ARMCX1: variants seen among roughly 807,000 people sequenced by gnomAD.
The protein encoded by ARMCX1 is armadillo repeat-containing X-linked protein 1.
Under a neutral mutation model 15.4 loss-of-function variants are expected in ARMCX1, and 4 were observed. That is an observed-to-expected ratio of 0.26 (90% CI 0.13 to 0.59). The LOEUF (loss-of-function observed/expected upper bound fraction) is 0.59, where lower values mean the gene tolerates loss of function less well. Ranked by LOEUF, ARMCX1 falls within the 20% of genes least tolerant of loss-of-function variation. The pLI is 0.89. For missense variants in ARMCX1, 273 were observed against 337.1 expected (o/e 0.81, Z 1.49); for synonymous variants, 144 against 130.5 (o/e 1.10, Z -0.71).
In ARMCX1 at chrX:101,553,234, G is replaced by C. The variant is rs1374688607; in HGVS notation, c.304G>C (p.Gly102Arg). The change falls in exon 4 of 4, where the codon GGT becomes CGT. Residue 102 changes from glycine (G) to arginine (R), a missense_variant. By Grantham distance (125) the Gly-to-Arg change is moderately radical. This residue lies in a region of ARMCX1 where 147 missense variants were observed against 143.5 expected (regional missense o/e 1.02). Coordinates refer to ENST00000372829, the MANE Select transcript of ARMCX1 (RefSeq NM_016608.2). Reference protein sequence around the residue: ...EKAHSGSHSGGGLEAKAKALF... With the variant: ...EKAHSGSHSGRGLEAKAKALF... ...GGCCCATTCAGGATCCCACAGCGGAGGTGGCCTAGAGGCCAAGGCCAAGGC... is the reference window on the plus strand; with the variant it reads ...GGCCCATTCAGGATCCCACAGCGGACGTGGCCTAGAGGCCAAGGCCAAGGC... 1 of 1,210,611 alleles carries C rather than the reference G, an allele frequency of 8.3e-7. No individual in the cohort carries two copies. The highest frequency in any genetic ancestry group is 1.1e-6 in the Non-Finnish European group (1 of 895,332).
chrX:101,552,950 C>T lies in ARMCX1; in HGVS notation c.20C>T (p.Ala7Val), dbSNP rs782095232. The T allele has an allele frequency of 7.4e-6, 9 of 1,210,155 alleles. No homozygotes were observed. The highest frequency in any genetic ancestry group is 1.0e-5 in the Non-Finnish European group (9 of 894,722). Residue 7 changes from alanine (A) to valine (V), a missense_variant, in exon 4 of 4, where the codon GCT (alanine) becomes GTT (valine). By Grantham distance (64) the Ala-to-Val change is moderately conservative. This residue lies in a region of ARMCX1 where 147 missense variants were observed against 143.5 expected (regional missense o/e 1.02). Transcript: ENST00000372829. The stretch of plus-strand genomic sequence containing the variant: ...TATACCATGGGCCGCACTCGGGAAG[C>T]TGGCTGCGTGGCCGCTGGTGTGGTT... MGRTRE[A>V]GCVAAGVVIG...
Position 101,553,330 on chromosome X carries a change from G to A in ARMCX1, c.400G>A (p.Gly134Arg). The A allele has an allele frequency of 8.3e-7, 1 of 1,204,841 alleles. No individual in the cohort carries two copies. Among genetic ancestry groups the A allele is most frequent in the Non-Finnish European group, 1.1e-6 (1 of 892,544 alleles). ...GKGARVGTISGNRTLAPSLPC... is the reference protein window; with the variant it reads ...GKGARVGTISRNRTLAPSLPC... ...AGGGGCTAGGGTGGGTACCATCTCT[G>A]GGAACAGGACCCTTGCACCGAGTTT... Residue 134 changes from glycine (G) to arginine (R), a missense_variant, in exon 4 of 4, where the codon GGG (glycine) becomes AGG (arginine). Gly to Arg is a moderately radical substitution (Grantham distance 125). Transcript: ENST00000372829.
rs1206840952 is a variant in ARMCX1 at position 101,551,573 on chromosome X, T to TG, written c.-179dup. 1 of 112,721 alleles carries TG rather than the reference T, an allele frequency of 8.9e-6. No individual in the cohort carries two copies. 9.3% of individuals were successfully genotyped at this position (112,721 alleles called of 1,213,427 possible). A position where few individuals can be genotyped will look rare whatever the true frequency, so the allele number is the denominator to read the frequency against. ...CCTTGTTGCCTGTGTCTGCAGATCTTGGGGCCGGAGGCCAGTCCAACCCTT... is the reference window on the plus strand; with the variant it reads ...CCTTGTTGCCTGTGTCTGCAGATCTTGGGGGCCGGAGGCCAGTCCAACCCTT... On this transcript the variant is annotated 5_prime_UTR_variant, in exon 3 of 4. Coordinates refer to ENST00000372829, the MANE Select transcript of ARMCX1 (RefSeq NM_016608.2).
At position 101,552,945 on chromosome X, in the gene ARMCX1, G is replaced by A. The variant is rs142274849; in HGVS notation, c.15G>A (p.Arg5=). MGRT[R]EAGCVAAGVV... ...CCAGCTATACCATGGGCCGCACTCG[G>A]GAAGCTGGCTGCGTGGCCGCTGGTG... is the stretch of plus-strand genomic sequence containing the variant. Residue 5 remains arginine, a synonymous_variant, in exon 4 of 4, where the codon CGG becomes CGA. Transcript: ENST00000372829. The A allele has an allele frequency of 4.8e-3, 5,742 of 1,208,561 alleles. 6 individuals carry two copies. Among genetic ancestry groups the A allele is most frequent in the Non-Finnish European group, 5.8e-3 (5,218 of 894,491 alleles).
Position 101,553,266 on chromosome X carries a change from C to A in ARMCX1, c.336C>A (p.Phe112Leu). The change falls in exon 4 of 4, where the codon TTC (phenylalanine) becomes TTA (leucine). Residue 112 changes from phenylalanine (F) to leucine (L), a missense_variant. Coordinates refer to ENST00000372829, the MANE Select transcript of ARMCX1 (RefSeq NM_016608.2). ...GGLEAKAKAL[F>L]NTLKEQASAK... ...TAGAGGCCAAGGCCAAGGCCCTTTT[C>A]AACACGCTGAAGGAACAGGCAAGTG... is the stretch of plus-strand genomic sequence containing the variant. 8.3e-7 allele frequency: 1 copy of A among 1,211,960 alleles called. No individual in the cohort carries two copies. Among genetic ancestry groups the A allele is most frequent in the Non-Finnish European group, 1.1e-6 (1 of 895,581 alleles).
At chrX:101,551,787 G>C (rs1200702899) in intron 3 of ARMCX1, among the ~76,000 whole-genome samples, 154 bp downstream of exon 3, 1 of 109,859 alleles carries the variant, frequency 9.1e-6, no homozygotes, top group Non-Finnish European at 1.9e-5. Context: ...GCAAGTACAA[G>C]ACAGGGAAGA....
intron 3 of ARMCX1, 64 bp from the exon 4 acceptor site, chrX:101,552,745 A>G (rs1935395324): frequency 2.4e-6 from 1 of 423,682 alleles, no homozygotes; most frequent in Non-Finnish European, 3.9e-6. Context: ...TTGTTGTTTC[A>G]GTCTGTTTGC....
At position 101,552,794 on chromosome X, in the gene ARMCX1, A is replaced by G. The variant is rs938798729; in HGVS notation, c.-122-15A>G. ...AAAAGGAGCCTGAAATCTGAAATGC[A>G]TCCTTTATTCCTAGGTCGAGCTGCC... is the stretch of plus-strand genomic sequence containing the variant. On this transcript the variant is annotated splice_polypyrimidine_tract_variant and intron_variant, in intron 3 of 3. Coordinates refer to ENST00000372829, the MANE Select transcript of ARMCX1 (RefSeq NM_016608.2). 21 of 649,223 alleles carry G rather than the reference A, an allele frequency of 3.2e-5. 1 individual carries two copies. In the Admixed American group the frequency reaches 7.6e-4, roughly 24 times the overall value. 53.5% of individuals were successfully genotyped at this position (649,223 alleles called of 1,213,427 possible).
In ARMCX1 at chrX:101,554,274, A is replaced by G; in HGVS notation, c.1344A>G (p.Lys448=). The stretch of plus-strand genomic sequence containing the variant: ...TGGTGGTGAAAGTAAAAGTCCTGAA[A>G]GTATTAACCAAACTCTAATTTGGAG... ...NDLVVKVKVL[K]VLTKL The change falls in exon 4 of 4, where the codon AAA becomes AAG. Residue 448 remains lysine, a synonymous_variant. Transcript: ENST00000372829. The G allele has an allele frequency of 8.5e-7, 1 of 1,182,441 alleles. No individual in the cohort carries two copies. The highest frequency in any genetic ancestry group is 1.1e-6 in the Non-Finnish European group (1 of 884,099).
rs139699638 is a variant in ARMCX1 at position 101,554,074 on chromosome X, G to A, written c.1144G>A (p.Asp382Asn). ...GATTTCCCTCTTTAATAAAGAATGG[G>A]ATAGAGAGATTCTTCTTAATATCCT... ...ELISLFNKEW[D>N]REILLNILTL... is the part of the protein sequence containing the mutation. Residue 382 changes from aspartate (D) to asparagine (N), a missense_variant, in exon 4 of 4, where the codon GAT becomes AAT. Transcript: ENST00000372829. 3.3e-6 allele frequency: 4 copies of A among 1,207,202 alleles called. No individual in the cohort carries two copies. In the African/African-American group the frequency reaches 7.0e-5, roughly 21 times the overall value.
chrX:101,552,974 T>C lies in ARMCX1; in HGVS notation c.44T>C (p.Val15Ala). 1 of 1,211,175 alleles carries C rather than the reference T, an allele frequency of 8.3e-7. No individual in the cohort carries two copies. Among genetic ancestry groups the C allele is most frequent in the Non-Finnish European group, 1.1e-6 (1 of 895,299 alleles). ...GCTGGCTGCGTGGCCGCTGGTGTGG[T>C]TATCGGGGCTGGTGCCTGCTACTGT... ...REAGCVAAGV[V>A]IGAGACYCVY... Residue 15 changes from valine (V) to alanine (A), a missense_variant, in exon 4 of 4, where the codon GTT (valine) becomes GCT (alanine). Physicochemically the swap from Val to Ala is moderately conservative, Grantham distance 64. This residue lies in a region of ARMCX1 where 147 missense variants were observed against 143.5 expected (regional missense o/e 1.02). Coordinates refer to ENST00000372829, the MANE Select transcript of ARMCX1 (RefSeq NM_016608.2).
rs782316261 is a variant in ARMCX1, at chrX:101,551,989, G to A, written c.-123+356G>A. Among the ~76,000 whole-genome samples the A allele has an allele frequency of 8.6e-5, 7 of 81,226 alleles. No individual in the cohort carries two copies. The South Asian group carries it at 4.2e-3, about 48-fold the overall frequency. The allele number at this position is 81,226 out of a possible 115,157, so 70.5% of individuals were successfully genotyped here. A position where few individuals can be genotyped will look rare whatever the true frequency, so the allele number is the denominator to read the frequency against. On this transcript the variant is annotated intron_variant, in intron 3 of 3. Transcript: ENST00000372829. The stretch of plus-strand genomic sequence containing the variant: ...GGAGGTAAGAAATTGCTCCGGAGCA[G>A]AGGTAGTTGGTATAATGACACGGGG...
At chrX:101,552,089 C>A (rs1935387962) in intron 3 of ARMCX1, among the ~76,000 whole-genome samples, 1 of 105,830 alleles carries the variant, frequency 9.4e-6, no homozygotes, top group Non-Finnish European at 1.9e-5. Context: ...GAGTTGGAGA[C>A]CTTTAGGCAT....
chrX:101,554,260 G>C lies in ARMCX1; in HGVS notation c.1330G>C (p.Val444Leu). 8.4e-7 allele frequency: 1 copy of C among 1,193,490 alleles called. No individual in the cohort carries two copies. The highest frequency in any genetic ancestry group is 1.1e-6 in the Non-Finnish European group (1 of 889,286). ...LANHNDLVVKVKVLKVLTKL is the reference protein window; with the variant it reads ...LANHNDLVVKLKVLKVLTKL ...AAATCACAATGATCTGGTGGTGAAA[G>C]TAAAAGTCCTGAAAGTATTAACCAA... The change falls in exon 4 of 4, where the codon GTA becomes CTA. Residue 444 changes from valine (V) to leucine (L), a missense_variant. Physicochemically the swap from Val to Leu is conservative, Grantham distance 32 (BLOSUM62 1). Coordinates refer to ENST00000372829, the MANE Select transcript of ARMCX1 (RefSeq NM_016608.2).
rs1935367552 is a variant in ARMCX1, at chrX:101,550,561, A to C, written c.-341A>C. ...CGCGTGCAGACGTCCTTCTAATCCT[A>C]GTCTTCGTTTGGTCCGGTTGCACTC... On this transcript the variant is annotated 5_prime_UTR_variant, in exon 1 of 4. Transcript: ENST00000372829. The C allele has an allele frequency of 9.0e-6, 1 of 111,182 alleles. No homozygotes were observed. The allele number at this position is 111,182 out of a possible 1,213,427, so 9.2% of individuals were successfully genotyped here. A position where few individuals can be genotyped will look rare whatever the true frequency, so the allele number is the denominator to read the frequency against.
At position 101,554,615 on chromosome X, in the gene ARMCX1, C is replaced by A; in HGVS notation, c.*323C>A. The A allele has an allele frequency of 6.0e-6, 1 of 167,520 alleles. No homozygotes were observed. 13.8% of individuals were successfully genotyped at this position (167,520 alleles called of 1,213,427 possible). ...GAATTGGTTATACATCATGCATAAGCTACACTTTTATATTAGTTTATATTT... is the reference window on the plus strand; with the variant it reads ...GAATTGGTTATACATCATGCATAAGATACACTTTTATATTAGTTTATATTT... On this transcript the variant is annotated 3_prime_UTR_variant, in exon 4 of 4. Coordinates refer to ENST00000372829, the MANE Select transcript of ARMCX1 (RefSeq NM_016608.2).
rs192601560 is a variant in ARMCX1, at chrX:101,553,557, G to T, written c.627G>T (p.Lys209Asn). The T allele has an allele frequency of 1.1e-5, 13 of 1,210,025 alleles. No homozygotes were observed. The Admixed American group carries it at 1.7e-4, about 16-fold the overall frequency. ...DDILSAPDLQ[K>N]VLNILERTND... ...TTCTGAGTGCTCCCGACCTCCAAAAGGTCCTCAACATCCTGGAGCGAACAA... is the reference window on the plus strand; with the variant it reads ...TTCTGAGTGCTCCCGACCTCCAAAATGTCCTCAACATCCTGGAGCGAACAA... Residue 209 changes from lysine to asparagine, a missense_variant, in exon 4 of 4, where the codon AAG (lysine) becomes AAT (asparagine). Coordinates refer to ENST00000372829, the MANE Select transcript of ARMCX1 (RefSeq NM_016608.2).
chrX:101,552,895 T>C lies in ARMCX1; in HGVS notation c.-36T>C. 2 of 1,180,565 alleles carry C rather than the reference T, an allele frequency of 1.7e-6. No homozygotes were observed. Among genetic ancestry groups the C allele is most frequent in the South Asian group, 3.9e-5 (2 of 51,718 alleles). ...TTCTCTGGGCCAGAGCGAGCCTGTT[T>C]TGTGCTCGGGTTAAGAGATTTGTCC... On this transcript the variant is annotated 5_prime_UTR_variant, in exon 4 of 4. Transcript: ENST00000372829.
At position 101,551,593 on chromosome X, in the gene ARMCX1, AC is replaced by A. The variant is rs1556026941; in HGVS notation, c.-160del. On this transcript the variant is annotated 5_prime_UTR_variant, in exon 3 of 4. Coordinates refer to ENST00000372829, the MANE Select transcript of ARMCX1 (RefSeq NM_016608.2). ...GATCTTGGGGCCGGAGGCCAGTCCA[AC>A]CCTTGGAGCAGGAAGAAACGCAAAG... is the stretch of plus-strand genomic sequence containing the variant. 1 of 112,262 alleles carries A rather than the reference AC, an allele frequency of 8.9e-6. No individual in the cohort carries two copies. Among genetic ancestry groups the A allele is most frequent in the Non-Finnish European group, 1.9e-5 (1 of 53,273 alleles). The allele number at this position is 112,262 out of a possible 1,213,427, so 9.3% of individuals were successfully genotyped here.
Sources: allele counts gnomAD v4.1 joint callset (sites outside exome capture counted in the v4.1 genomes callset), GRCh38; gene constraint gnomAD v4.1.1; regional missense constraint gnomAD v4.1.1; transcripts MANE v1.5; gene names NCBI Gene and HGNC (gene_info 2026-07-23, HGNC 2026-07-21).